The following PAG1 variants were observed in gnomAD, a reference collection of about 807,000 sequenced individuals.
PAG1 encodes the protein phosphoprotein membrane anchor with glycosphingolipid microdomains 1, also known as phosphoprotein associated with glycosphingolipid-enriched microdomains 1.
A neutral mutation model predicts 31.7 loss-of-function variants in PAG1; 23 were observed. The observed-to-expected ratio is 0.73, with a 90% confidence interval of 0.52 to 1.03. PAG1 has a LOEUF of 1.03. Ranked by LOEUF, PAG1 falls within the 50% of genes least tolerant of loss-of-function variation. The pLI, the probability that PAG1 is intolerant of heterozygous loss-of-function variation, is 0.00. For synonymous variants in PAG1, 214 were observed against 210.3 expected, an observed-to-expected ratio of 1.02 and a Z score of -0.15; for missense variants, 473 against 540.7, an observed-to-expected ratio of 0.87 and a Z score of 1.24.
At chr8:81,104,164 A>T (rs530286475) in intron 1 of PAG1, among the ~76,000 whole-genome samples, 1 of 152,300 alleles carries the variant, frequency 6.6e-6, no homozygotes, top group African/African-American at 2.4e-5. Context: ...AGCCACCATT[A>T]TCTGTGTAGA....
rs369949771 is a variant in PAG1, at chr8:81,049,725, C to T, written c.-174-19636G>A. The stretch of plus-strand genomic sequence containing the variant: ...TTTTCCAGTTTTCTAAAATGTGCCA[C>T]GTTTTCCCTTTAATTCTCACAGTCT... On this transcript the variant is annotated intron_variant, in intron 2 of 8. Coordinates refer to ENST00000220597, the MANE Select transcript of PAG1 (RefSeq NM_018440.4). 3.9e-4 allele frequency among the ~76,000 whole-genome samples: 60 copies of T among 152,300 alleles called. 2 individuals are homozygous for T. The highest frequency in any genetic ancestry group is 1.2e-3 in the African/African-American group (49 of 41,564).
At chr8:80,980,407 TC>T in intron 8 of PAG1, 27 bp downstream of exon 8, 1 of 1,341,520 alleles carries the variant, frequency 7.5e-7, no homozygotes, top group Non-Finnish European at 1.1e-6. Flanking sequence ...ACTACAGTTT[TC>T]CCTTTTTAAA....
chr8:81,106,161 T>C (rs1809689338), intron 1 of PAG1, among the ~76,000 whole-genome samples: 1 of 152,190 alleles, frequency 6.6e-6, no homozygotes. Context: ...TTCTCCTGCC[T>C]CAGCCTTCCG....
At chr8:81,003,928 C>A (rs982373787) in intron 3 of PAG1, among the ~76,000 whole-genome samples, 5 of 152,154 alleles carry the variant, frequency 3.3e-5, no homozygotes, top group African/African-American at 4.8e-5. Context: ...CCATGGACGG[C>A]CTTTTTAGTC....
intron 1 of PAG1, among the ~76,000 whole-genome samples, chr8:81,086,477 G>A (rs1244532181): frequency 6.6e-6 from 1 of 152,028 alleles, no homozygotes; most frequent in African/African-American, 2.4e-5. Context: ...CACTGTTAGG[G>A]AAGAAGGCAA....
At chr8:81,106,617 A>C (rs918706767) in intron 1 of PAG1, among the ~76,000 whole-genome samples, 1 of 152,214 alleles carries the variant, frequency 6.6e-6, no homozygotes, top group Non-Finnish European at 1.5e-5. Flanking sequence ...AAATATTATA[A>C]TCACAATAAT....
chr8:81,098,782 T>A (rs1431502806), intron 1 of PAG1, among the ~76,000 whole-genome samples: 1 of 152,158 alleles, frequency 6.6e-6, no homozygotes, highest in Non-Finnish European at 1.5e-5. Context: ...TTGTCAAGTC[T>A]GATGGGAAGT....
intron 1 of PAG1, among the ~76,000 whole-genome samples, chr8:81,094,912 C>A (rs1809501686): frequency 1.3e-5 from 2 of 152,182 alleles, no homozygotes; most frequent in Non-Finnish European, 2.9e-5. Flanking sequence ...TGACCTTGAG[C>A]CAGATGCTTA....
intron 2 of PAG1, among the ~76,000 whole-genome samples, chr8:81,036,158 A>C (rs1212704271): frequency 6.6e-6 from 1 of 152,118 alleles, no homozygotes; most frequent in Non-Finnish European, 1.5e-5. Flanking sequence ...TACATCTGCT[A>C]TCTCTCCCAA....
intron 3 of PAG1, among the ~76,000 whole-genome samples, chr8:81,024,703 T>C (rs1808245768): frequency 1.3e-5 from 2 of 152,224 alleles, no homozygotes; most frequent in South Asian, 4.1e-4. Flanking sequence ...AATGTTTGTT[T>C]TTAGTTTAGG....
intron 3 of PAG1, among the ~76,000 whole-genome samples, chr8:81,002,714 T>C (rs906719888): frequency 6.6e-6 from 1 of 152,242 alleles, no homozygotes; most frequent in Non-Finnish European, 1.5e-5. Flanking sequence ...ATAATGGCTA[T>C]CTTTATGAAG....
intron 8 of PAG1, 44 bp from the exon 9 acceptor site, chr8:80,976,950 T>C (rs199978188): frequency 7.8e-5 from 121 of 1,543,430 alleles, no homozygotes; most frequent in Non-Finnish European, 9.1e-5. Flanking sequence ...AGCTGTGACT[T>C]CCCCCTCCCT....
At chr8:80,998,364 G>GTGAT (rs938722920) in intron 3 of PAG1, among the ~76,000 whole-genome samples, 6 of 151,986 alleles carry the variant, frequency 3.9e-5, no homozygotes, top group Middle Eastern at 3.2e-3. Context: ...TCTTGACTTG[G>GTGAT]TGATCCACCT....
At chr8:81,009,554 C>T (rs558921863) in intron 3 of PAG1, among the ~76,000 whole-genome samples, 266 of 152,256 alleles carry the variant, frequency 1.7e-3, no homozygotes, top group Non-Finnish European at 3.3e-3. Context: ...ATCAAACCAA[C>T]GGTATCCTAA....
At chr8:81,067,108 GCTAT>G in intron 2 of PAG1, among the ~76,000 whole-genome samples, 1 of 152,166 alleles carries the variant, frequency 6.6e-6, no homozygotes, top group Non-Finnish European at 1.5e-5. Context: ...GCTACAGTGA[GCTAT>G]GTCCAGCCTG....
At chr8:81,048,631 G>A (rs1237276422) in intron 2 of PAG1, among the ~76,000 whole-genome samples, 1 of 152,184 alleles carries the variant, frequency 6.6e-6, no homozygotes, top group Non-Finnish European at 1.5e-5. Flanking sequence ...GGTGATGTTT[G>A]AGCCTTATCT....
chr8:81,093,748 C>T (rs1448676323), intron 1 of PAG1, among the ~76,000 whole-genome samples: 1 of 151,998 alleles, frequency 6.6e-6, no homozygotes, highest in East Asian at 1.9e-4. Flanking sequence ...CGATCAGCCA[C>T]ACGCAGTAGC....
chr8:81,026,757 C>T (rs375107086), intron 3 of PAG1, among the ~76,000 whole-genome samples: 1 of 152,182 alleles, frequency 6.6e-6, no homozygotes, highest in East Asian at 1.9e-4. Context: ...CTTCCAGGGA[C>T]CTGCCAGTTC....
intron 2 of PAG1, among the ~76,000 whole-genome samples, chr8:81,066,193 T>C (rs895016672): frequency 6.6e-6 from 1 of 152,258 alleles, no homozygotes; most frequent in Non-Finnish European, 1.5e-5. Flanking sequence ...TAACCCGTTG[T>C]GCATCAGACA....
Sources: allele counts gnomAD v4.1 joint callset (sites outside exome capture counted in the v4.1 genomes callset), GRCh38; gene constraint gnomAD v4.1.1; transcripts MANE v1.5; gene names NCBI Gene and HGNC (gene_info 2026-07-23, HGNC 2026-07-21).